Variants in RAB11FIP4 observed in about 807,000 individuals in gnomAD.
The protein encoded by RAB11FIP4 is rab11 family-interacting protein 4.
A neutral mutation model predicts 74.3 loss-of-function variants in RAB11FIP4; 23 were observed. The observed-to-expected ratio is 0.31, with a 90% CI of 0.22 to 0.44. The LOEUF (loss-of-function observed/expected upper bound fraction) is 0.44, where lower values mean the gene tolerates loss of function less well. Ranked by LOEUF, RAB11FIP4 falls within the 20% of genes least tolerant of loss-of-function variation. The probability of loss-of-function intolerance (pLI) is 1.00; values close to 1 mark genes in which losing one functional copy is unlikely to be tolerated. For synonymous variants in RAB11FIP4, 360 were observed against 359.9 expected (o/e 1.00, Z 0.00); for missense variants, 630 against 863.9 (o/e 0.73, Z 3.39).
chr17:31,494,395 A>T (rs182267348), intron 3 of RAB11FIP4, among the ~76,000 whole-genome samples: 2 of 146,940 alleles, frequency 1.4e-5, no homozygotes, highest in Admixed American at 6.9e-5. Context: ...TAAATGTATG[A>T]AAAGCACTTA....
intron 2 of RAB11FIP4, among the ~76,000 whole-genome samples, chr17:31,432,710 C>T (rs2071322489): frequency 6.6e-6 from 1 of 152,196 alleles, no homozygotes; most frequent in Non-Finnish European, 1.5e-5. Flanking sequence ...CTTGCCCCTG[C>T]TTCCAGTTTT....
chr17:31,522,779 C>T (rs557457501), intron 7 of RAB11FIP4: 3 of 258,642 alleles, frequency 1.2e-5, no homozygotes, highest in Middle Eastern at 1.3e-3. Context: ...CATGAGTGTG[C>T]GCCATTGGGG....
intron 4 of RAB11FIP4, among the ~76,000 whole-genome samples, chr17:31,519,855 G>T (rs1419530680): frequency 6.6e-6 from 1 of 152,096 alleles, no homozygotes; most frequent in Non-Finnish European, 1.5e-5. Flanking sequence ...GAGCAGCCTT[G>T]TAATCCCAGC....
chr17:31,488,129 C>T, intron 3 of RAB11FIP4: 2 of 1,035,140 alleles, frequency 1.9e-6, no homozygotes, highest in Non-Finnish European at 1.2e-6. Flanking sequence ...GAAGTGCGAG[C>T]GGCAGCGGCG....
intron 3 of RAB11FIP4, among the ~76,000 whole-genome samples, chr17:31,506,875 ATTTCT>A (rs1331571158): frequency 6.6e-6 from 1 of 152,066 alleles, no homozygotes; most frequent in African/African-American, 2.4e-5. Context: ...TGACATACTG[ATTTCT>A]TTTCTTTTGT....
At chr17:31,441,185 C>T (rs985678490) in intron 3 of RAB11FIP4, among the ~76,000 whole-genome samples, 5 of 151,706 alleles carry the variant, frequency 3.3e-5, no homozygotes, top group African/African-American at 9.7e-5. Context: ...CCACCATGCC[C>T]GGCTAATTTT....
intron 3 of RAB11FIP4, among the ~76,000 whole-genome samples, chr17:31,458,823 C>T (rs992669562): frequency 3.3e-5 from 5 of 152,176 alleles, no homozygotes; most frequent in African/African-American, 9.7e-5. Flanking sequence ...GCGAAGCTGC[C>T]ACTTCCTCCC....
chr17:31,428,696 T>C (rs1314912864), intron 1 of RAB11FIP4, among the ~76,000 whole-genome samples: 1 of 152,032 alleles, frequency 6.6e-6, no homozygotes, highest in African/African-American at 2.4e-5. Flanking sequence ...CATCACTTGT[T>C]GAATAAGTGA....
In RAB11FIP4 at chr17:31,402,189, GCATC is replaced by G. The variant is rs373691832; in HGVS notation, c.159+10217_159+10220del. ...TTCCGTAGCCTCCCCATCTGTCCAT[GCATC>G]CATCCATCCATCCATCCATCCATCC... is the stretch of plus-strand genomic sequence containing the variant. On this transcript the variant is annotated intron_variant, in intron 1 of 14. Transcript: ENST00000621161. Among the ~76,000 whole-genome samples, 199 of 103,278 alleles carry G rather than the reference GCATC, an allele frequency of 1.9e-3. 1 individual carries two copies. Among genetic ancestry groups the G allele is most frequent in the Middle Eastern group, 4.2e-3 (1 of 236 alleles). 67.8% of individuals were successfully genotyped at this position (103,278 alleles called of 152,430 possible). A position where few individuals can be genotyped will look rare whatever the true frequency, so the allele number is the denominator to read the frequency against.
chr17:31,402,598 T>TTATATTTATTTATTTA (rs142035896), intron 1 of RAB11FIP4, among the ~76,000 whole-genome samples: 2 of 142,752 alleles, frequency 1.4e-5, no homozygotes, highest in African/African-American at 2.6e-5. Flanking sequence ...TTTTATTTAT[T>TTATATTTATTTATTTA]TTTATTTATT....
In RAB11FIP4 at chr17:31,537,707, G is replaced by A. The variant is rs1344498619; in HGVS notation, c.*5975G>A. The A allele has an allele frequency of 6.5e-6, 1 of 153,826 alleles. No homozygotes were observed. Among genetic ancestry groups the A allele is most frequent in the Non-Finnish European group, 1.5e-5 (1 of 68,938 alleles). 9.5% of individuals were successfully genotyped at this position (153,826 alleles called of 1,614,324 possible). A position where few individuals can be genotyped will look rare whatever the true frequency, so the allele number is the denominator to read the frequency against. ...GCGGGCCCCACTTGGGCAGAAGGAA[G>A]AGGTGCTAGCTGCTGCCCCTGCCTG... On this transcript the variant is annotated 3_prime_UTR_variant, in exon 15 of 15. Coordinates refer to ENST00000621161, the MANE Select transcript of RAB11FIP4 (RefSeq NM_032932.6).
intron 1 of RAB11FIP4, among the ~76,000 whole-genome samples, chr17:31,414,666 A>G (rs957983077): frequency 6.6e-6 from 1 of 152,070 alleles, no homozygotes; most frequent in Non-Finnish European, 1.5e-5. Flanking sequence ...CCTGGGTACC[A>G]TGTCACTGGG....
At chr17:31,443,279 T>A (rs1245533535) in intron 3 of RAB11FIP4, among the ~76,000 whole-genome samples, 3 of 152,246 alleles carry the variant, frequency 2.0e-5, no homozygotes, top group Non-Finnish European at 2.9e-5. Context: ...ATATAACTTT[T>A]TGACATACAT....
chr17:31,483,066 G>A (rs1425803642), intron 3 of RAB11FIP4, among the ~76,000 whole-genome samples: 2 of 151,646 alleles, frequency 1.3e-5, no homozygotes, highest in Non-Finnish European at 2.9e-5. Context: ...GGTGTCATGC[G>A]CCTATAGTCC....
At position 31,463,803 on chromosome 17, in the gene RAB11FIP4, C is replaced by CTT. The variant is rs60955293; in HGVS notation, c.336+29708_336+29709dup. ...ACAGGTGTGAGCCACTGCGCCTGGA[C>CTT]TTTTTTTTTTTTTTTTTTTTTTTTT... On this transcript the variant is annotated intron_variant, in intron 3 of 14. Transcript: ENST00000621161. 6.4e-4 allele frequency among the ~76,000 whole-genome samples: 21 copies of CTT among 32,836 alleles called. 3 individuals are homozygous for CTT. The highest frequency in any genetic ancestry group is 2.7e-3 in the East Asian group (2 of 746). 21.5% of individuals were successfully genotyped at this position (32,836 alleles called of 152,430 possible). A position where few individuals can be genotyped will look rare whatever the true frequency, so the allele number is the denominator to read the frequency against.
chr17:31,428,932 G>A (rs1272534412), intron 1 of RAB11FIP4, among the ~76,000 whole-genome samples: 1 of 151,868 alleles, frequency 6.6e-6, no homozygotes, highest in Non-Finnish European at 1.5e-5. Flanking sequence ...ATAATGTGAG[G>A]ACATGGCTCT....
chr17:31,438,705 C>T (rs1050893843), intron 3 of RAB11FIP4, among the ~76,000 whole-genome samples: 4 of 152,170 alleles, frequency 2.6e-5, no homozygotes, highest in Admixed American at 6.6e-5. Context: ...CGATACCAAA[C>T]CGCTCCCCGT....
At chr17:31,497,273 A>G (rs1005097208) in intron 3 of RAB11FIP4, among the ~76,000 whole-genome samples, 1 of 152,142 alleles carries the variant, frequency 6.6e-6, no homozygotes, top group African/African-American at 2.4e-5. Context: ...CTGAGGCAGG[A>G]GAATCGCTGG....
intron 1 of RAB11FIP4, among the ~76,000 whole-genome samples, chr17:31,412,697 C>T (rs1319169345): frequency 6.6e-6 from 1 of 152,152 alleles, no homozygotes; most frequent in Non-Finnish European, 1.5e-5. Context: ...CTAGACCTGG[C>T]CCAGGAAATG....
Sources: gnomAD v4.1 joint callset for allele counts (sites outside exome capture counted in the v4.1 genomes callset) on GRCh38, gnomAD v4.1.1 for gene constraint, MANE v1.5 for transcripts, NCBI Gene and HGNC (gene_info 2026-07-23, HGNC 2026-07-21) for gene names.